MED27: variants seen among roughly 807,000 people sequenced by gnomAD.
The protein encoded by MED27 is mediator of RNA polymerase II transcription subunit 27.
Under a neutral mutation model 38.2 loss-of-function variants are expected in MED27, and 30 were observed. That is an observed-to-expected ratio of 0.79 (90% CI 0.59 to 1.07). The LOEUF (loss-of-function observed/expected upper bound fraction) is 1.07. MED27 is among the 50% of genes least tolerant of loss of function. The pLI is 0.00. For missense variants in MED27, 289 were observed against 397.5 expected (o/e 0.73, Z 2.32); for synonymous variants, 122 against 153.5 (o/e 0.79, Z 1.52).
At chr9:131,898,535 G>A (rs899166331) in intron 4 of MED27, among the ~76,000 whole-genome samples, 1 of 150,494 alleles carries the variant, frequency 6.6e-6, no homozygotes, top group Middle Eastern at 3.6e-3. Flanking sequence ...TTTTTATAGA[G>A]CCAAAAAAGA....
chr9:131,913,924 C>T lies in MED27; in HGVS notation c.574-19932G>A, dbSNP rs1415400733. Among the ~76,000 whole-genome samples the T allele has an allele frequency of 3.4e-5, 5 of 148,576 alleles. No homozygotes were observed. Among genetic ancestry groups the T allele is most frequent in the Admixed American group, 1.4e-4 (2 of 14,748 alleles). ...AAAACTCAAACTTTAATTCCTCTAG[C>T]GCTTGCTTGTACCGCTTGTCTTCAT... On this transcript the variant is annotated intron_variant, in intron 4 of 7. Coordinates refer to ENST00000292035, the MANE Select transcript of MED27 (RefSeq NM_004269.4). This position sits in a 1 kb window ranked among gnomAD's most constrained non-coding sequence, Gnocchi z 4.5.
At chr9:132,055,979 C>G (rs758021603) in intron 2 of MED27, among the ~76,000 whole-genome samples, 1 of 152,152 alleles carries the variant, frequency 6.6e-6, no homozygotes, top group Non-Finnish European at 1.5e-5. Context: ...GAGATTAATT[C>G]GCCCCCAGGA....
At chr9:131,975,005 G>C (rs1212098604) in intron 3 of MED27, among the ~76,000 whole-genome samples, 1 of 152,144 alleles carries the variant, frequency 6.6e-6, no homozygotes, top group African/African-American at 2.4e-5. Flanking sequence ...TACCTGATAT[G>C]CTCAGTTCTA....
intron 2 of MED27, among the ~76,000 whole-genome samples, chr9:132,052,341 A>T (rs892380203): frequency 7.2e-5 from 11 of 152,358 alleles, no homozygotes; most frequent in African/African-American, 2.4e-4. Context: ...GGTTAAATCC[A>T]CGCAGTAGTG....
At chr9:131,903,389 G>A (rs372462263) in intron 4 of MED27, among the ~76,000 whole-genome samples, 4 of 152,170 alleles carry the variant, frequency 2.6e-5, no homozygotes, top group Admixed American at 2.0e-4. Context: ...CCCACAACAC[G>A]TGGGAATTAT....
chr9:131,971,536 C>T (rs1831476800), intron 3 of MED27, among the ~76,000 whole-genome samples: 1 of 152,210 alleles, frequency 6.6e-6, no homozygotes, highest in Non-Finnish European at 1.5e-5. Flanking sequence ...TGAAATGTTG[C>T]TCTGGCTGCT....
chr9:131,955,694 C>T (rs142091662), intron 3 of MED27, among the ~76,000 whole-genome samples: 2 of 152,262 alleles, frequency 1.3e-5, no homozygotes, highest in East Asian at 1.9e-4. Context: ...AAGAAATAAA[C>T]ATCTAAAAAG....
At chr9:131,990,632 T>C (rs1831951776) in intron 3 of MED27, among the ~76,000 whole-genome samples, 1 of 152,198 alleles carries the variant, frequency 6.6e-6, no homozygotes, top group African/African-American at 2.4e-5. Context: ...ACCTGGCCAA[T>C]GATTTCAGTG....
At chr9:131,922,639 T>TTTTTA (rs1564284480) in intron 4 of MED27, among the ~76,000 whole-genome samples, 21 of 151,942 alleles carry the variant, frequency 1.4e-4, no homozygotes, top group African/African-American at 4.1e-4. Context: ...TTTTTTCTTT[T>TTTTTA]CTTTTATTAT....
chr9:131,930,973 C>T (rs969867628), intron 4 of MED27, among the ~76,000 whole-genome samples: 8 of 152,066 alleles, frequency 5.3e-5, no homozygotes, highest in Non-Finnish European at 5.9e-5. Flanking sequence ...AGGCTGGGCA[C>T]GGTGGCTCAT....
Position 131,919,002 on chromosome 9 carries a change from G to A in MED27, c.573+20379C>T, listed in dbSNP as rs113132304. On this transcript the variant is annotated intron_variant, in intron 4 of 7. Transcript: ENST00000292035. Reference sequence around the variant, plus strand: ...AGGACATCCACACACAGAAAACTGCGGGGTTCAGAGGTTTCCTGAAACCCA... The same window carrying A: ...AGGACATCCACACACAGAAAACTGCAGGGTTCAGAGGTTTCCTGAAACCCA... Among the ~76,000 whole-genome samples, 6 of 152,198 alleles carry A rather than the reference G, an allele frequency of 3.9e-5. 1 individual carries two copies. The highest frequency in any genetic ancestry group is 4.2e-4 in the South Asian group (2 of 4,814).
chr9:131,880,267 G>A (rs550816768), intron 6 of MED27, among the ~76,000 whole-genome samples: 2 of 152,156 alleles, frequency 1.3e-5, no homozygotes, highest in East Asian at 3.9e-4. Flanking sequence ...TATTGATAAA[G>A]GATTAAGCTT....
At chr9:132,036,546 G>T (rs1833084513) in intron 2 of MED27, among the ~76,000 whole-genome samples, 1 of 152,166 alleles carries the variant, frequency 6.6e-6, no homozygotes, top group African/African-American at 2.4e-5. Context: ...TGTCACTCGT[G>T]CCGGCATGCG....
intron 2 of MED27, among the ~76,000 whole-genome samples, chr9:132,034,641 C>T (rs759198724): frequency 2.6e-5 from 4 of 152,156 alleles, no homozygotes; most frequent in Non-Finnish European, 4.4e-5. Context: ...CAGAAAGCCA[C>T]GCCCTCCTGT....
intron 4 of MED27, among the ~76,000 whole-genome samples, chr9:131,905,288 A>C (rs145442515): frequency 6.6e-6 from 1 of 152,218 alleles, no homozygotes; most frequent in East Asian, 1.9e-4. Flanking sequence ...ACATACTGAA[A>C]ATGTCAAGGT....
intron 3 of MED27, among the ~76,000 whole-genome samples, chr9:131,969,369 G>C (rs907603177): frequency 4.6e-5 from 7 of 152,058 alleles, no homozygotes; most frequent in Non-Finnish European, 8.8e-5. Flanking sequence ...TTTAGTTTTT[G>C]GTGACGGTTG....
rs371189327 is a variant in MED27, at chr9:131,941,739, G to A, written c.480-2265C>T. 9.2e-5 allele frequency among the ~76,000 whole-genome samples: 14 copies of A among 151,368 alleles called. No individual in the cohort carries two copies. In the South Asian group the frequency reaches 1.5e-3, roughly 16 times the overall value. On this transcript the variant is annotated intron_variant, in intron 3 of 7. Coordinates refer to ENST00000292035, the MANE Select transcript of MED27 (RefSeq NM_004269.4). ...CTATCTCTCAAAAGCACCATACCGT[G>A]AGGATATGGCACCAAAAAGTGAACT...
chr9:131,963,175 T>A (rs1288649214), intron 3 of MED27, among the ~76,000 whole-genome samples: 6 of 152,302 alleles, frequency 3.9e-5, no homozygotes, highest in African/African-American at 9.6e-5. Flanking sequence ...AAAGTTCATT[T>A]TTACAGTGTT....
intron 3 of MED27, among the ~76,000 whole-genome samples, chr9:131,974,317 G>A (rs1215956005): frequency 1.4e-4 from 22 of 152,204 alleles, no homozygotes; most frequent in Admixed American, 1.4e-3. Flanking sequence ...CAGGGTTTCT[G>A]ATACTTGCAG....
Sources: allele counts gnomAD v4.1 joint callset (sites outside exome capture counted in the v4.1 genomes callset), GRCh38; gene constraint gnomAD v4.1.1; non-coding constraint Gnocchi (gnomAD v3.1); transcripts MANE v1.5; gene names NCBI Gene and HGNC (gene_info 2026-07-23, HGNC 2026-07-21).